The following RALGAPA1 variants were observed in gnomAD, a reference collection of about 807,000 sequenced individuals.
RALGAPA1 encodes Ral GTPase activating protein catalytic subunit alpha 1.
A neutral mutation model predicts 269.6 loss-of-function variants in RALGAPA1; 52 were observed. The ratio of observed to expected loss-of-function variants is 0.19; its 90% CI spans 0.15 to 0.24. RALGAPA1 has a LOEUF of 0.24. Ranked by LOEUF, RALGAPA1 falls within the 10% of genes least tolerant of loss-of-function variation. The pLI is 1.00. For missense variants in RALGAPA1, 1,917 were observed against 3,013.9 expected, an observed-to-expected ratio of 0.64 and a Z score of 8.52; for synonymous variants, 817 against 1,008.3, an observed-to-expected ratio of 0.81 and a Z score of 3.60.
chr14:35,800,776 T>A (rs1169027), intron 1 of RALGAPA1, among the ~76,000 whole-genome samples: 149,561 of 152,298 alleles, frequency 0.98, 73,454 homozygotes, highest in East Asian at 1. Context: ...AGGCCCAGGC[T>A]GGTGGATCAC....
At chr14:35,664,844 A>G in intron 26 of RALGAPA1, 77 bp from the exon 27 acceptor site, 1 of 1,326,704 alleles carries the variant, frequency 7.5e-7, no homozygotes, top group Non-Finnish European at 1.1e-6. Context: ...TTGTTATCCA[A>G]CTACATTAGA....
chr14:35,629,669 T>TA (rs1440300324), intron 33 of RALGAPA1, among the ~76,000 whole-genome samples: 1 of 152,078 alleles, frequency 6.6e-6, no homozygotes, highest in East Asian at 1.9e-4. Context: ...CACGCCCAGC[T>TA]ATTGTATTTT....
intron 35 of RALGAPA1, among the ~76,000 whole-genome samples, chr14:35,612,327 C>T (rs974620383): frequency 7.2e-6 from 1 of 139,542 alleles, no homozygotes; most frequent in Non-Finnish European, 1.5e-5. Flanking sequence ...GCTGTGACTG[C>T]ATCACTGTAC....
At chr14:35,623,459 T>G (rs938381835) in intron 35 of RALGAPA1, among the ~76,000 whole-genome samples, 2 of 151,758 alleles carry the variant, frequency 1.3e-5, no homozygotes, top group East Asian at 1.9e-4. Context: ...AGATGAAAAT[T>G]TCCTACAAAT....
At chr14:35,648,030 C>CT (rs2062566316) in intron 31 of RALGAPA1, among the ~76,000 whole-genome samples, 1 of 151,864 alleles carries the variant, frequency 6.6e-6, no homozygotes, top group Admixed American at 6.6e-5. Context: ...GTAAACCCAG[C>CT]ACTTTGGGAG....
At chr14:35,631,615 G>T (rs1267003345) in intron 33 of RALGAPA1, among the ~76,000 whole-genome samples, 3 of 152,094 alleles carry the variant, frequency 2.0e-5, no homozygotes, top group Non-Finnish European at 2.9e-5. Context: ...CTGAAGAAGG[G>T]AAAGAGTATA....
intron 19 of RALGAPA1, 121 bp from the exon 20 acceptor site, chr14:35,685,266 G>T: frequency 1.2e-6 from 1 of 854,420 alleles, no homozygotes; most frequent in Non-Finnish European, 1.8e-6. Context: ...AAGTAGGAGT[G>T]GAGAACACAC....
chr14:35,728,315 T>C, intron 13 of RALGAPA1, 47 bp downstream of exon 13: 3 of 1,454,644 alleles, frequency 2.1e-6, no homozygotes, highest in Non-Finnish European at 2.7e-6. Context: ...ACTATACCTG[T>C]GTACACAATA....
Position 35,538,645 on chromosome 14 carries a change from T to A in RALGAPA1, c.*1069A>T, listed in dbSNP as rs2053717904. 1 of 152,494 alleles carries A rather than the reference T, an allele frequency of 6.6e-6. No homozygotes were observed. Among genetic ancestry groups the A allele is most frequent in the African/African-American group, 2.4e-5 (1 of 41,452 alleles). The allele number at this position is 152,494 out of a possible 1,614,324, so 9.4% of individuals were successfully genotyped here. On this transcript the variant is annotated 3_prime_UTR_variant, in exon 42 of 42. Coordinates refer to ENST00000680220, the MANE Select transcript of RALGAPA1 (RefSeq NM_001346249.2). The stretch of plus-strand genomic sequence containing the variant: ...CAAGTTCAGTATTAACAATATTAGA[T>A]TTAACTTAGACTCCTGGGTTATGTT...
At chr14:35,608,579 G>C (rs1388676679) in intron 35 of RALGAPA1, among the ~76,000 whole-genome samples, 1 of 152,040 alleles carries the variant, frequency 6.6e-6, no homozygotes, top group African/African-American at 2.4e-5. Flanking sequence ...TAAGACTTTA[G>C]AACAAAAAAT....
intron 21 of RALGAPA1, among the ~76,000 whole-genome samples, chr14:35,681,958 TG>T (rs1345060996): frequency 1.8e-4 from 27 of 152,230 alleles, no homozygotes; most frequent in Non-Finnish European, 1.3e-4. Flanking sequence ...GATTCACTTA[TG>T]TTTTTGCATA....
chr14:35,787,758 AG>A (rs2075893541), intron 1 of RALGAPA1, among the ~76,000 whole-genome samples: 2 of 151,006 alleles, frequency 1.3e-5, no homozygotes. Context: ...AAAAAAAAAA[AG>A]TTGTAGAGAT....
In RALGAPA1 at chr14:35,627,822, T is replaced by C. The variant is rs774536653; in HGVS notation, c.6125A>G (p.Asn2042Ser). 1.9e-6 allele frequency: 3 copies of C among 1,585,506 alleles called. No individual in the cohort carries two copies. The highest frequency in any genetic ancestry group is 1.7e-6 in the Non-Finnish European group (2 of 1,160,270). ...ACTTTCACTGTAATGATTGTCGTGA[T>C]TTTCACACACCTGACTTGTTAGCAT... ...PAMLTSQVCE[N>S]HDNHYSESTE... Residue 2042 changes from asparagine to serine, a missense_variant, in exon 34 of 42, where the codon AAT (asparagine) becomes AGT (serine). By Grantham distance (46) the Asn-to-Ser change is conservative. Around this residue, in one of 11 missense-constraint regions of RALGAPA1, gnomAD observed 346 missense variants for 566.1 expected, o/e 0.61. Coordinates refer to ENST00000680220, the MANE Select transcript of RALGAPA1 (RefSeq NM_001346249.2).
chr14:35,756,076 C>T (rs911623133), intron 7 of RALGAPA1, among the ~76,000 whole-genome samples: 5 of 152,148 alleles, frequency 3.3e-5, no homozygotes, highest in Admixed American at 2.0e-4. Context: ...TACATATTGG[C>T]AGATTGATTC....
chr14:35,635,216 C>T (rs2061595475), intron 32 of RALGAPA1, among the ~76,000 whole-genome samples: 1 of 151,756 alleles, frequency 6.6e-6, no homozygotes, highest in Non-Finnish European at 1.5e-5. Context: ...ATACCTCTTA[C>T]AAAGAATGAC....
At chr14:35,571,568 G>A (rs978902788) in intron 38 of RALGAPA1, among the ~76,000 whole-genome samples, 4 of 151,940 alleles carry the variant, frequency 2.6e-5, no homozygotes, top group African/African-American at 4.8e-5. Context: ...CCAGCTACTC[G>A]GGAGGCTGAG....
Position 35,685,060 on chromosome 14 carries a change from C to A in RALGAPA1, c.4163G>T (p.Arg1388Leu), listed in dbSNP as rs778519470. ...GGGCACACCTGGGTCATCAATAGGG[C>A]GCATCTGGTTCTGCTTGTTTAGAAT... is the stretch of plus-strand genomic sequence containing the variant. ...PDILNKQNQM[R>L]PIDDPGVPSE... is the part of the protein sequence containing the mutation. Residue 1388 changes from arginine to leucine, a missense_variant, in exon 20 of 42, where the codon CGC becomes CTC. Coordinates refer to ENST00000680220, the MANE Select transcript of RALGAPA1 (RefSeq NM_001346249.2). 1.3e-5 allele frequency: 21 copies of A among 1,599,910 alleles called. No homozygotes were observed. In the Admixed American group the frequency reaches 3.3e-4, roughly 25 times the overall value.
chr14:35,746,303 T>C (rs1446356347), intron 10 of RALGAPA1, among the ~76,000 whole-genome samples: 8 of 152,292 alleles, frequency 5.3e-5, no homozygotes, highest in East Asian at 3.9e-4. Flanking sequence ...GGTTCAGTTA[T>C]GTGGGATGAA....
At chr14:35,741,335 G>A (rs2071526929) in intron 11 of RALGAPA1, among the ~76,000 whole-genome samples, 1 of 151,928 alleles carries the variant, frequency 6.6e-6, no homozygotes. Context: ...GTAAGAATTA[G>A]GACTGTAGAT....
Sources: allele counts gnomAD v4.1 joint callset (sites outside exome capture counted in the v4.1 genomes callset), GRCh38; gene constraint gnomAD v4.1.1; regional missense constraint gnomAD v4.1.1; transcripts MANE v1.5; gene names NCBI Gene and HGNC (gene_info 2026-07-23, HGNC 2026-07-21).